The following LRRTM4 variants were observed in gnomAD, a reference collection of about 807,000 sequenced individuals.
LRRTM4 encodes leucine-rich repeat transmembrane neuronal protein 4.
Under a neutral mutation model 47.6 loss-of-function variants are expected in LRRTM4, and 25 were observed. The ratio of observed to expected loss-of-function variants is 0.53; its 90% CI spans 0.38 to 0.73. The LOEUF (loss-of-function observed/expected upper bound fraction) is 0.73. LRRTM4 is among the 30% of genes least tolerant of loss of function. The probability of loss-of-function intolerance (pLI) is 0.00; values close to 1 mark genes in which losing one functional copy is unlikely to be tolerated. For synonymous variants in LRRTM4, 311 were observed against 269.5 expected (o/e 1.15, Z -1.51); for missense variants, 638 against 713.4 (o/e 0.89, Z 1.20).
chr2:77,160,965 T>A (rs1302981021), intron 3 of LRRTM4, among the ~76,000 whole-genome samples: 2 of 152,156 alleles, frequency 1.3e-5, no homozygotes, highest in African/African-American at 4.8e-5. Context: ...CATGGCAGCC[T>A]ACATGAAAGA....
At position 77,395,013 on chromosome 2, in the gene LRRTM4, C is replaced by T. The variant is rs149931460; in HGVS notation, c.1551+123305G>A. 5.6e-3 allele frequency among the ~76,000 whole-genome samples: 857 copies of T among 152,054 alleles called. 8 individuals are homozygous for T. The highest frequency in any genetic ancestry group is 0.02 in the African/African-American group (825 of 41,522). ...CTTATTTAGCTGCTAGACAGAAAAA[C>T]CTTGTGGCAGTTAGAATTTATTCTT... On this transcript the variant is annotated intron_variant, in intron 3 of 3. Coordinates refer to ENST00000409884, the MANE Select transcript of LRRTM4 (RefSeq NM_001134745.3).
At chr2:77,049,155 T>TACAC (rs1157832273) in intron 3 of LRRTM4, among the ~76,000 whole-genome samples, 17 of 125,774 alleles carry the variant, frequency 1.4e-4, no homozygotes, top group African/African-American at 6.2e-4. Context: ...TATATATATA[T>TACAC]ATACACACAC....
chr2:76,869,986 TAAAGG>T (rs757113783), intron 3 of LRRTM4, among the ~76,000 whole-genome samples: 1 of 152,110 alleles, frequency 6.6e-6, no homozygotes, highest in African/African-American at 2.4e-5. Flanking sequence ...AACATAAACA[TAAAGG>T]AAAGAGAGAC....
At chr2:77,045,931 T>C (rs1352730380) in intron 3 of LRRTM4, among the ~76,000 whole-genome samples, 1 of 151,970 alleles carries the variant, frequency 6.6e-6, no homozygotes, top group Non-Finnish European at 1.5e-5. Flanking sequence ...AATCCATACA[T>C]TACATTTGAT....
At chr2:77,189,456 G>T (rs896215442) in intron 3 of LRRTM4, among the ~76,000 whole-genome samples, 2 of 152,070 alleles carry the variant, frequency 1.3e-5, no homozygotes, top group Non-Finnish European at 2.9e-5. Context: ...TTATTAGAAG[G>T]TGGGGCCTCT....
intron 3 of LRRTM4, among the ~76,000 whole-genome samples, chr2:76,995,264 C>A (rs1457401694): frequency 2.0e-5 from 3 of 151,970 alleles, no homozygotes; most frequent in Admixed American, 2.0e-4. Context: ...TATTCAAGAG[C>A]AATTATTGAA....
Position 76,981,987 on chromosome 2 carries a change from C to T in LRRTM4, c.1552-233071G>A, listed in dbSNP as rs1193690768. Among the ~76,000 whole-genome samples, 6 of 152,124 alleles carry T rather than the reference C, an allele frequency of 3.9e-5. No individual in the cohort carries two copies. The South Asian group carries it at 1.2e-3, about 32-fold the overall frequency. ...AACTGCCTCGGAGAAGGTTTACTTGCCCTTTGATGCAAGGGGGCTTATAAC... is the reference window on the plus strand; with the variant it reads ...AACTGCCTCGGAGAAGGTTTACTTGTCCTTTGATGCAAGGGGGCTTATAAC... On this transcript the variant is annotated intron_variant, in intron 3 of 3. Transcript: ENST00000409884.
At chr2:76,852,938 T>G (rs2103978642) in intron 3 of LRRTM4, among the ~76,000 whole-genome samples, 1 of 152,194 alleles carries the variant, frequency 6.6e-6, no homozygotes, top group South Asian at 2.1e-4. Flanking sequence ...GAAGAATTGT[T>G]ATATTAGAAA....
rs532069597 is a variant in LRRTM4, at chr2:77,341,377, A to G, written c.1551+176941T>C. On this transcript the variant is annotated intron_variant, in intron 3 of 3. Transcript: ENST00000409884. ...TCTGGTATATACCCCCTCCATCATC[A>G]CTGTTCTCATTTTCCTGGTGAACTC... Among the ~76,000 whole-genome samples the G allele has an allele frequency of 1.3e-4, 19 of 151,826 alleles. 1 individual carries two copies. In the South Asian group the frequency reaches 3.9e-3, roughly 31 times the overall value.
chr2:77,062,434 C>T (rs1337342658), intron 3 of LRRTM4, among the ~76,000 whole-genome samples: 1 of 152,166 alleles, frequency 6.6e-6, no homozygotes, highest in East Asian at 1.9e-4. Context: ...GTAGCTTACA[C>T]TTGCAATTTA....
chr2:77,120,742 A>G (rs1250402668), intron 3 of LRRTM4, among the ~76,000 whole-genome samples: 1 of 151,790 alleles, frequency 6.6e-6, no homozygotes, highest in Non-Finnish European at 1.5e-5. Flanking sequence ...CTTGGTAGAA[A>G]AACAAAATCT....
chr2:77,385,191 G>T (rs407079), intron 3 of LRRTM4, among the ~76,000 whole-genome samples: 65,551 of 151,860 alleles, frequency 0.43, 14,404 homozygotes, highest in East Asian at 0.63. Flanking sequence ...CAAAATAATG[G>T]AAAATAAAAT....
chr2:77,179,843 C>T (rs1014275938), intron 3 of LRRTM4, among the ~76,000 whole-genome samples: 5 of 151,948 alleles, frequency 3.3e-5, no homozygotes, highest in African/African-American at 7.3e-5. Context: ...TTCTTTAAAT[C>T]GCAAATTTCT....
intron 3 of LRRTM4, among the ~76,000 whole-genome samples, chr2:76,926,261 CA>C (rs1293987350): frequency 6.6e-6 from 1 of 151,942 alleles, no homozygotes; most frequent in African/African-American, 2.4e-5. Context: ...ACTTTTTAAA[CA>C]TAGAGAAAAT....
At chr2:77,199,043 T>G (rs1294714782) in intron 3 of LRRTM4, among the ~76,000 whole-genome samples, 1 of 152,186 alleles carries the variant, frequency 6.6e-6, no homozygotes, top group Non-Finnish European at 1.5e-5. Flanking sequence ...TCTGTAGATC[T>G]GTTTTAGCAC....
chr2:76,927,929 C>G (rs992188367), intron 3 of LRRTM4, among the ~76,000 whole-genome samples: 1 of 152,086 alleles, frequency 6.6e-6, no homozygotes, highest in Non-Finnish European at 1.5e-5. Flanking sequence ...TTTCATGTAA[C>G]TTATTACTTC....
At chr2:76,899,142 A>G (rs1380335850) in intron 3 of LRRTM4, among the ~76,000 whole-genome samples, 2 of 152,066 alleles carry the variant, frequency 1.3e-5, no homozygotes, top group South Asian at 4.1e-4. Context: ...AAAAATTGAG[A>G]TGAAATATAT....
At chr2:77,471,153 T>C (rs1573458615) in intron 3 of LRRTM4, among the ~76,000 whole-genome samples, 1 of 152,122 alleles carries the variant, frequency 6.6e-6, no homozygotes, top group Admixed American at 6.6e-5. Flanking sequence ...AAACTTGACA[T>C]ACACAAAACC....
intron 3 of LRRTM4, among the ~76,000 whole-genome samples, chr2:76,904,487 T>C (rs1318680035): frequency 1.3e-5 from 2 of 152,214 alleles, no homozygotes; most frequent in Non-Finnish European, 2.9e-5. Flanking sequence ...TAAGGGAAAA[T>C]ATTTTGTGTT....
Sources: allele counts gnomAD v4.1 joint callset (sites outside exome capture counted in the v4.1 genomes callset), GRCh38; gene constraint gnomAD v4.1.1; transcripts MANE v1.5; gene names NCBI Gene and HGNC (gene_info 2026-07-23, HGNC 2026-07-21).